The following PCDHGA2 variants were observed in gnomAD, a reference collection of about 807,000 sequenced individuals.
PCDHGA2 encodes protocadherin gamma subfamily A, 2.
PCDHGA2 carries 40 observed loss-of-function variants against 59.2 expected under a neutral mutation model. The ratio of observed to expected loss-of-function variants is 0.68; its 90% CI spans 0.52 to 0.88. The LOEUF is 0.88. Ranked by LOEUF, PCDHGA2 falls within the 40% of genes least tolerant of loss-of-function variation. The probability of loss-of-function intolerance (pLI) is 0.00; values close to 1 mark genes in which losing one functional copy is unlikely to be tolerated. For synonymous variants in PCDHGA2, 560 were observed against 526.0 expected, an observed-to-expected ratio of 1.06 and a Z score of -0.89; for missense variants, 1,226 against 1,204.0, an observed-to-expected ratio of 1.02 and a Z score of -0.27.
At chr5:141,403,136 C>G in intron 1 of PCDHGA2, 1 of 1,614,006 alleles carries the variant, frequency 6.2e-7, no homozygotes. Flanking sequence ...GCTGGCGGAG[C>G]GCCGAGTCCG....
Position 141,375,159 on chromosome 5 carries a change from G to A in PCDHGA2, c.2424+33764G>A, listed in dbSNP as rs1771191060. 2.5e-6 allele frequency: 4 copies of A among 1,613,862 alleles called. No individual in the cohort carries two copies. The East Asian group carries it at 8.9e-5, about 36-fold the overall frequency. ...TCTGGAAGCAGAACAATTGCTGAAA[G>A]TGCACCTCCAGGAACAGTAATCGCC... On this transcript the variant is annotated intron_variant, in intron 1 of 3. Coordinates refer to ENST00000394576, the MANE Select transcript of PCDHGA2 (RefSeq NM_018915.4).
intron 1 of PCDHGA2, chr5:141,375,215 C>T: frequency 1.2e-6 from 2 of 1,614,004 alleles, no homozygotes; most frequent in Non-Finnish European, 1.7e-6. Flanking sequence ...AGACTCTGGC[C>T]TGAATGGCCT....
chr5:141,389,930 C>G (rs1255366269), intron 1 of PCDHGA2: 1 of 1,614,064 alleles, frequency 6.2e-7, no homozygotes, highest in East Asian at 2.2e-5. Flanking sequence ...CCTCTGACCT[C>G]CAGGCTGAGC....
In PCDHGA2 at chr5:141,402,956, G is replaced by A. The variant is rs1276206622; in HGVS notation, c.2424+61561G>A. Reference sequence around the variant, plus strand: ...AAAATTCCAAAGCGAGGCAGCAATGGCAGCTCCAACCAAATGCCAGCTCCG... The same window carrying A: ...AAAATTCCAAAGCGAGGCAGCAATGACAGCTCCAACCAAATGCCAGCTCCG... On this transcript the variant is annotated intron_variant, in intron 1 of 3. Coordinates refer to ENST00000394576, the MANE Select transcript of PCDHGA2 (RefSeq NM_018915.4). 1.2e-6 allele frequency: 2 copies of A among 1,601,842 alleles called. No individual in the cohort carries two copies. The highest frequency in any genetic ancestry group is 2.7e-5 in the African/African-American group (2 of 74,454).
intron 1 of PCDHGA2, among the ~76,000 whole-genome samples, chr5:141,480,272 G>A (rs903112862): frequency 7.2e-6 from 1 of 138,796 alleles, no homozygotes; most frequent in African/African-American, 3.0e-5. Flanking sequence ...TTCATTAGCT[G>A]GGTGTGTTGG....
intron 1 of PCDHGA2, chr5:141,361,665 G>C: frequency 1.2e-6 from 2 of 1,613,696 alleles, no homozygotes; most frequent in Non-Finnish European, 1.7e-6. Context: ...TGAGCGCGCA[G>C]AGCGGGGTGG....
intron 1 of PCDHGA2, chr5:141,372,232 A>G: frequency 6.2e-7 from 1 of 1,613,396 alleles, no homozygotes; most frequent in Non-Finnish European, 8.5e-7. Context: ...CAGGCCAGCG[A>G]GCCCGGGCTG....
chr5:141,398,858 G>C, intron 1 of PCDHGA2: 2 of 1,613,986 alleles, frequency 1.2e-6, no homozygotes, highest in Non-Finnish European at 1.7e-6. Flanking sequence ...GTATTCAACC[G>C]AGACGTGTAC....
rs1394484191 is a variant in PCDHGA2 at position 141,486,006 on chromosome 5, C to T, written c.2425-8801C>T. The T allele has an allele frequency of 6.2e-7, 1 of 1,614,190 alleles. No individual in the cohort carries two copies. Among genetic ancestry groups the T allele is most frequent in the Non-Finnish European group, 8.5e-7 (1 of 1,180,026 alleles). Reference sequence around the variant, plus strand: ...GACCTGGGTCCCAGTGGTAACGTCACCTTTTATTTCAGTGGTCATACCCCT... The same window carrying T: ...GACCTGGGTCCCAGTGGTAACGTCATCTTTTATTTCAGTGGTCATACCCCT... On this transcript the variant is annotated intron_variant, in intron 1 of 3. Coordinates refer to ENST00000394576, the MANE Select transcript of PCDHGA2 (RefSeq NM_018915.4). This position sits in a 1 kb window ranked among gnomAD's most constrained non-coding sequence, Gnocchi z 5.0.
At chr5:141,341,640 C>A in intron 1 of PCDHGA2, 1 of 763,240 alleles carries the variant, frequency 1.3e-6, no homozygotes, top group Non-Finnish European at 2.0e-6. Context: ...ATCCAAAGAG[C>A]ACTGCATTAG....
intron 1 of PCDHGA2, chr5:141,418,597 G>A (rs2096274061): frequency 3.7e-6 from 6 of 1,614,052 alleles, no homozygotes; most frequent in Non-Finnish European, 5.1e-6. Flanking sequence ...GCCAGGACGT[G>A]TACAGGGTTA....
chr5:141,499,260 G>T (rs2099790657), intron 2 of PCDHGA2, among the ~76,000 whole-genome samples: 1 of 152,028 alleles, frequency 6.6e-6, no homozygotes, highest in African/African-American at 2.4e-5. Context: ...GTCTCCATTT[G>T]GTCCCTAGAC....
At chr5:141,347,137 C>CTCTTTCTTTCTTTCTTTCTTTCTT (rs70988799) in intron 1 of PCDHGA2, among the ~76,000 whole-genome samples, 9,489 of 113,698 alleles carry the variant, frequency 0.083, 861 homozygotes, top group African/African-American at 0.12. Context: ...CTCTGTTTCT[C>CTCTTTCTTTCTTTCTTTCTTTCTT]TCTTTCTTTC....
At chr5:141,402,881 G>T in intron 1 of PCDHGA2, 1 of 1,477,920 alleles carries the variant, frequency 6.8e-7, no homozygotes. Context: ...ATACTTTGCA[G>T]GGTGGAAGAA....
At chr5:141,483,706 C>T (rs1187078630) in intron 1 of PCDHGA2, among the ~76,000 whole-genome samples, 1 of 151,926 alleles carries the variant, frequency 6.6e-6, no homozygotes, top group African/African-American at 2.4e-5. Context: ...CTTTTTGACA[C>T]CAGAATATTG....
chr5:141,476,476 C>A lies in PCDHGA2; in HGVS notation c.2425-18331C>A. On this transcript the variant is annotated intron_variant, in intron 1 of 3. Coordinates refer to ENST00000394576, the MANE Select transcript of PCDHGA2 (RefSeq NM_018915.4). The surrounding 1 kb of genome is among the most constrained non-coding windows in gnomAD (Gnocchi z 7.6). ...TGGAGAACCCGCTGGAGCTGTTCAG[C>A]GTGGAAGTGGTGATCCAGGACATCA... 6.2e-7 allele frequency: 1 copy of A among 1,613,986 alleles called. No individual in the cohort carries two copies. The highest frequency in any genetic ancestry group is 8.5e-7 in the Non-Finnish European group (1 of 1,179,992).
intron 1 of PCDHGA2, among the ~76,000 whole-genome samples, chr5:141,480,960 A>G (rs954219522): frequency 1.3e-5 from 2 of 152,190 alleles, no homozygotes; most frequent in African/African-American, 4.8e-5. Context: ...CGGAAGCATC[A>G]GTGAGGGAGA....
intron 1 of PCDHGA2, among the ~76,000 whole-genome samples, chr5:141,473,873 C>CA (rs1471085914): frequency 2.6e-5 from 4 of 152,130 alleles, no homozygotes; most frequent in African/African-American, 7.2e-5. Flanking sequence ...GTGGAGAATG[C>CA]ATACACAAGG....
chr5:141,505,883 T>C (rs1225759976), intron 3 of PCDHGA2, among the ~76,000 whole-genome samples: 1 of 152,118 alleles, frequency 6.6e-6, no homozygotes, highest in East Asian at 1.9e-4. Flanking sequence ...GTTGTAGAGA[T>C]TAAATGAGAT....
Sources: gnomAD v4.1 joint callset for allele counts (sites outside exome capture counted in the v4.1 genomes callset) on GRCh38, gnomAD v4.1.1 for gene constraint, Gnocchi (gnomAD v3.1) non-coding constraint, MANE v1.5 for transcripts, NCBI Gene and HGNC (gene_info 2026-07-23, HGNC 2026-07-21) for gene names.